The following GPR39 variants were observed in gnomAD, a reference collection of about 807,000 sequenced individuals.
GPR39 encodes the protein G protein-coupled receptor 39, also known as zinc sensing receptor.
GPR39 carries 23 observed loss-of-function variants against 18.4 expected under a neutral mutation model. The observed-to-expected ratio is 1.25, with a 90% CI of 0.90 to 1.77. The LOEUF is 1.77. Among genes scored for constraint, GPR39 ranks in the 40% most tolerant of loss-of-function variants. The pLI, the probability that GPR39 is intolerant of heterozygous loss-of-function variation, is 0.00. For synonymous variants in GPR39, 280 were observed against 257.9 expected (o/e 1.09, Z -0.82); for missense variants, 647 against 602.4 (o/e 1.07, Z -0.78).
chr2:132,599,845 C>T (rs747264535), intron 1 of GPR39, among the ~76,000 whole-genome samples: 5 of 152,210 alleles, frequency 3.3e-5, no homozygotes, highest in Non-Finnish European at 5.9e-5. Flanking sequence ...CCTTGATAAG[C>T]TAGACCTGCC....
At chr2:132,497,651 CCTTT>C (rs780964638) in intron 1 of GPR39, among the ~76,000 whole-genome samples, 1 of 152,054 alleles carries the variant, frequency 6.6e-6, no homozygotes, top group Non-Finnish European at 1.5e-5. Context: ...GGAACAAAGC[CCTTT>C]CTAACACCCT....
intron 1 of GPR39, among the ~76,000 whole-genome samples, chr2:132,576,159 C>CT (rs908044908): frequency 2.0e-5 from 3 of 152,090 alleles, no homozygotes; most frequent in Non-Finnish European, 4.4e-5. Context: ...TGAATTATTT[C>CT]TTTTTTTACT....
chr2:132,441,356 G>T (rs185032608), intron 1 of GPR39, among the ~76,000 whole-genome samples: 2 of 151,372 alleles, frequency 1.3e-5, no homozygotes, highest in Admixed American at 1.3e-4. Flanking sequence ...TCATTTTCCA[G>T]TACAGACTTT....
intron 1 of GPR39, among the ~76,000 whole-genome samples, chr2:132,495,390 T>A (rs533189087): frequency 1.3e-5 from 2 of 152,046 alleles, no homozygotes; most frequent in Admixed American, 6.6e-5. Context: ...GATGTTGAGG[T>A]CGCTTTGTAG....
At chr2:132,512,123 GC>G (rs1468281841) in intron 1 of GPR39, among the ~76,000 whole-genome samples, 2 of 152,122 alleles carry the variant, frequency 1.3e-5, no homozygotes, top group Non-Finnish European at 1.5e-5. Context: ...TCAGTCTAGG[GC>G]TAAGAGTATA....
chr2:132,640,961 G>A (rs1407619013), intron 1 of GPR39, among the ~76,000 whole-genome samples: 1 of 152,116 alleles, frequency 6.6e-6, no homozygotes, highest in African/African-American at 2.4e-5. Context: ...CCATTACCGT[G>A]CTCACTGGTA....
chr2:132,506,762 C>T lies in GPR39; in HGVS notation c.856+88864C>T, dbSNP rs189138681. On this transcript the variant is annotated intron_variant, in intron 1 of 1. Transcript: ENST00000329321. The stretch of plus-strand genomic sequence containing the variant: ...CCCACCAGATCCCTCCCATGACATG[C>T]GAGGATTAGGGGAACTACAATTCAA... 5.5e-4 allele frequency among the ~76,000 whole-genome samples: 83 copies of T among 152,252 alleles called. No individual in the cohort carries two copies. In the East Asian group the frequency reaches 9.7e-3, roughly 18 times the overall value.
At position 132,460,130 on chromosome 2, in the gene GPR39, A is replaced by G. The variant is rs180934610; in HGVS notation, c.856+42232A>G. Among the ~76,000 whole-genome samples the G allele has an allele frequency of 1.7e-3, 266 of 152,338 alleles. 1 individual carries two copies. Among genetic ancestry groups the G allele is most frequent in the Admixed American group, 4.1e-3 (63 of 15,304 alleles). ...AAAAACCTGCATAGGATTCTAGTATAACTTCCTAGCAATATGTCTCCTCAT... is the reference window on the plus strand; with the variant it reads ...AAAAACCTGCATAGGATTCTAGTATGACTTCCTAGCAATATGTCTCCTCAT... On this transcript the variant is annotated intron_variant, in intron 1 of 1. Coordinates refer to ENST00000329321, the MANE Select transcript of GPR39 (RefSeq NM_001508.3).
At chr2:132,487,451 C>T (rs576544807) in intron 1 of GPR39, among the ~76,000 whole-genome samples, 42 of 152,120 alleles carry the variant, frequency 2.8e-4, no homozygotes, top group Admixed American at 1.4e-3. Flanking sequence ...TGCATTGAAG[C>T]GAAGCATAAT....
chr2:132,513,446 G>A (rs983502174), intron 1 of GPR39, among the ~76,000 whole-genome samples: 1 of 141,808 alleles, frequency 7.1e-6, no homozygotes, highest in African/African-American at 2.6e-5. Flanking sequence ...CTGGGTGACA[G>A]AGCAAGACTC....
At chr2:132,458,441 T>C (rs1465600009) in intron 1 of GPR39, among the ~76,000 whole-genome samples, 1 of 143,238 alleles carries the variant, frequency 7.0e-6, no homozygotes, top group Non-Finnish European at 1.5e-5. Context: ...CCTCTCTCTC[T>C]CTCTCTCTCG....
intron 1 of GPR39, among the ~76,000 whole-genome samples, chr2:132,531,514 A>T (rs3115041): frequency 0.63 from 96,054 of 151,870 alleles, 31,597 homozygotes; most frequent in East Asian, 0.9. Flanking sequence ...CTAATAGACA[A>T]CTACAGAACT....
intron 1 of GPR39, among the ~76,000 whole-genome samples, chr2:132,496,513 G>T (rs1681644808): frequency 6.6e-6 from 1 of 152,168 alleles, no homozygotes; most frequent in South Asian, 2.1e-4. Context: ...AACTTTATTA[G>T]TGATCCCCAA....
intron 1 of GPR39, among the ~76,000 whole-genome samples, chr2:132,588,187 T>C (rs1353280372): frequency 6.6e-6 from 1 of 152,106 alleles, no homozygotes; most frequent in Non-Finnish European, 1.5e-5. Context: ...TGGCTAGCAA[T>C]GTATGGGTTA....
At chr2:132,425,383 T>C (rs949969320) in intron 1 of GPR39, among the ~76,000 whole-genome samples, 1 of 151,732 alleles carries the variant, frequency 6.6e-6, no homozygotes, top group Non-Finnish European at 1.5e-5. Context: ...TAGCCATGCA[T>C]TGCTTGAGAG....
intron 1 of GPR39, among the ~76,000 whole-genome samples, chr2:132,492,088 ACATATATATATACATAC>A (rs1276356566): frequency 1.3e-5 from 2 of 150,230 alleles, no homozygotes; most frequent in East Asian, 3.9e-4. Context: ...TATACACACC[ACATATATATATACATAC>A]CATATATATA....
At chr2:132,582,871 G>T (rs751295783) in intron 1 of GPR39, among the ~76,000 whole-genome samples, 1 of 149,696 alleles carries the variant, frequency 6.7e-6, no homozygotes. Flanking sequence ...AACAAGCATT[G>T]GAAAAAAATA....
rs1363657870 is a variant in GPR39 at position 132,645,985 on chromosome 2, G to A, written c.*379G>A. 1 of 1,285,534 alleles carries A rather than the reference G, an allele frequency of 7.8e-7. No individual in the cohort carries two copies. The highest frequency in any genetic ancestry group is 1.1e-6 in the Non-Finnish European group (1 of 939,208). 79.6% of individuals were successfully genotyped at this position (1,285,534 alleles called of 1,614,324 possible). ...CCAGAAGAAACTCACTCAGGGAGGT[G>A]GGGGGTTGGGGGCGAGGGCTGGAAG... On this transcript the variant is annotated 3_prime_UTR_variant, in exon 2 of 2. Coordinates refer to ENST00000329321, the MANE Select transcript of GPR39 (RefSeq NM_001508.3).
chr2:132,632,474 T>A (rs1241319854), intron 1 of GPR39, among the ~76,000 whole-genome samples: 1 of 152,182 alleles, frequency 6.6e-6, no homozygotes, highest in Non-Finnish European at 1.5e-5. Flanking sequence ...TACCTTAATT[T>A]GCATTTGCGA....
Sources: allele counts gnomAD v4.1 joint callset (sites outside exome capture counted in the v4.1 genomes callset), GRCh38; gene constraint gnomAD v4.1.1; transcripts MANE v1.5; gene names NCBI Gene and HGNC (gene_info 2026-07-23, HGNC 2026-07-21).